Variants in TRIM4 observed in about 807,000 individuals in gnomAD.
TRIM4 encodes E3 ubiquitin-protein ligase TRIM4.
In TRIM4, 29 loss-of-function variants were observed where a neutral mutation model predicts 33.7. The observed-to-expected ratio is 0.86, with a 90% confidence interval of 0.64 to 1.17. The LOEUF (loss-of-function observed/expected upper bound fraction) is 1.17. TRIM4 is among the 50% of genes most tolerant of loss of function. The pLI is 0.00. For synonymous variants in TRIM4, 224 were observed against 233.0 expected, an observed-to-expected ratio of 0.96 and a Z score of 0.35; for missense variants, 554 against 593.7, an observed-to-expected ratio of 0.93 and a Z score of 0.69.
At chr7:99,914,003 T>C (rs961389683) in intron 1 of TRIM4, among the ~76,000 whole-genome samples, 1 of 152,230 alleles carries the variant, frequency 6.6e-6, no homozygotes, top group Admixed American at 6.5e-5. Context: ...TTGAGTTCTA[T>C]GAATTTCAGT....
chr7:99,894,471 T>G (rs995677902), intron 5 of TRIM4, among the ~76,000 whole-genome samples: 7 of 152,140 alleles, frequency 4.6e-5, no homozygotes, highest in Non-Finnish European at 1.0e-4. Context: ...AAGACCAGCC[T>G]GACCAACATG....
In TRIM4 at chr7:99,910,835, G is replaced by A. The variant is rs973565386; in HGVS notation, c.394-1175C>T. Among the ~76,000 whole-genome samples, 2 of 152,246 alleles carry A rather than the reference G, an allele frequency of 1.3e-5. 1 individual carries two copies. Among genetic ancestry groups the A allele is most frequent in the African/African-American group, 4.8e-5 (2 of 41,468 alleles). ...TTGGGCTGAGGGGCAGCACCCGATA[G>A]TAGGATGTCAGCTGCGAGTGCAGAG... On this transcript the variant is annotated intron_variant, in intron 1 of 5. Coordinates refer to ENST00000349062, the MANE Select transcript of TRIM4 (RefSeq NM_033091.3).
rs944523766 is a variant in TRIM4, at chr7:99,919,436, G to A, written c.-35C>T. 2.7e-6 allele frequency: 4 copies of A among 1,486,112 alleles called. No individual in the cohort carries two copies. Among genetic ancestry groups the A allele is most frequent in the Admixed American group, 2.4e-5 (1 of 42,528 alleles). The allele number at this position is 1,486,112 out of a possible 1,614,324, so 92.1% of individuals were successfully genotyped here. The stretch of plus-strand genomic sequence containing the variant: ...CTGCCGCGGAGACGGAGTCCGACGT[G>A]AGGCGCGGGAGAGGCCAGCAAGCTG... On this transcript the variant is annotated 5_prime_UTR_variant, in exon 1 of 6. Coordinates refer to ENST00000349062, the MANE Select transcript of TRIM4 (RefSeq NM_033091.3).
In TRIM4 at chr7:99,892,572, T is replaced by C. The variant is rs919079966; in HGVS notation, c.1016A>G (p.His339Arg). ...GTTTTTTCCCAGAACACAGGGTAAG[T>C]GCTGAAATCTCTCTACAAAAGCAGT... is the stretch of plus-strand genomic sequence containing the variant. ...QKTAFVERFQHLPCVLGKNVF... is the reference protein window; with the variant it reads ...QKTAFVERFQRLPCVLGKNVF... The change falls in exon 6 of 6, where the codon CAC becomes CGC. Residue 339 changes from histidine (H) to arginine (R), a missense_variant. Around this residue, in one of 3 missense-constraint regions of TRIM4, gnomAD observed 290 missense variants for 335.8 expected, o/e 0.86. Transcript: ENST00000349062. 3 of 1,614,232 alleles carry C rather than the reference T, an allele frequency of 1.9e-6. No individual in the cohort carries two copies. The highest frequency in any genetic ancestry group is 2.5e-6 in the Non-Finnish European group (3 of 1,180,046).
intron 3 of TRIM4, among the ~76,000 whole-genome samples, chr7:99,906,687 A>T (rs531935222): frequency 1.9e-4 from 29 of 151,284 alleles, no homozygotes; most frequent in Admixed American, 1.6e-3. Flanking sequence ...GGACCAATTT[A>T]AAAAAAAACA....
chr7:99,904,997 C>CT (rs1235474897), intron 3 of TRIM4, among the ~76,000 whole-genome samples: 1 of 151,644 alleles, frequency 6.6e-6, no homozygotes, highest in East Asian at 1.9e-4. Context: ...TGCCACTGCA[C>CT]TCCAGCCTGG....
chr7:99,899,404 T>C (rs1266346856), intron 5 of TRIM4, among the ~76,000 whole-genome samples: 1 of 152,246 alleles, frequency 6.6e-6, no homozygotes, highest in East Asian at 1.9e-4. Context: ...TGGACTGCCC[T>C]GCATGTAGGT....
At chr7:99,895,374 T>G (rs1031700888) in intron 5 of TRIM4, among the ~76,000 whole-genome samples, 11 of 152,222 alleles carry the variant, frequency 7.2e-5, no homozygotes, top group African/African-American at 2.4e-4. Context: ...TCTAAGGATA[T>G]TTTGATACTG....
In TRIM4 at chr7:99,909,595, A is replaced by T. The variant is rs1286430376; in HGVS notation, c.459T>A (p.Asp153Glu). The T allele has an allele frequency of 6.2e-7, 1 of 1,613,890 alleles. No homozygotes were observed. Among genetic ancestry groups the T allele is most frequent in the African/African-American group, 1.3e-5 (1 of 74,876 alleles). The change falls in exon 2 of 6, where the codon GAT (aspartate) becomes GAA (glutamate). Residue 153 changes from aspartate (D) to glutamate (E), a missense_variant. Transcript: ENST00000349062. The stretch of plus-strand genomic sequence containing the variant: ...ACTGTGTGGCGTTCTTCACTTCTAC[A>T]TCCTGTAAATGCATGACTTTCTTCA... ...AKMKKVMHLQ[D>E]VEVKNATQWK...
chr7:99,910,245 CAGG>C (rs1819409536), intron 1 of TRIM4, among the ~76,000 whole-genome samples: 1 of 152,142 alleles, frequency 6.6e-6, no homozygotes, highest in Non-Finnish European at 1.5e-5. Flanking sequence ...TCTGGCACCA[CAGG>C]AGATTAAAAA....
rs1818883319 is a variant in TRIM4 at position 99,891,091 on chromosome 7, CCAGA to C, written c.*1068_*1071del. The C allele has an allele frequency of 6.6e-6, 1 of 152,116 alleles. No homozygotes were observed. The highest frequency in any genetic ancestry group is 2.4e-5 in the African/African-American group (1 of 41,424). The allele number at this position is 152,116 out of a possible 1,614,324, so 9.4% of individuals were successfully genotyped here. A position where few individuals can be genotyped will look rare whatever the true frequency, so the allele number is the denominator to read the frequency against. ...CAGTAACTGCCACAATCTCCTGAGTCCAGACAATCTAGAGCAGAAGGGTAGACTG... is the reference window on the plus strand; with the variant it reads ...CAGTAACTGCCACAATCTCCTGAGTCCAATCTAGAGCAGAAGGGTAGACTG... On this transcript the variant is annotated 3_prime_UTR_variant, in exon 6 of 6. Transcript: ENST00000349062.
intron 1 of TRIM4, among the ~76,000 whole-genome samples, chr7:99,911,475 T>C (rs1356635060): frequency 1.3e-5 from 2 of 152,040 alleles, no homozygotes; most frequent in Non-Finnish European, 2.9e-5. Context: ...AAATTAAAAA[T>C]AAATTTAAAA....
intron 5 of TRIM4, among the ~76,000 whole-genome samples, chr7:99,900,191 G>A (rs771296121): frequency 3.3e-5 from 5 of 152,194 alleles, no homozygotes; most frequent in South Asian, 2.1e-4. Context: ...TAGAGCCAGC[G>A]TTCTAGTTGG....
intron 5 of TRIM4, among the ~76,000 whole-genome samples, chr7:99,895,572 A>G (rs77577977): frequency 4.6e-5 from 7 of 152,364 alleles, no homozygotes; most frequent in Non-Finnish European, 8.8e-5. Context: ...GATTGATAAT[A>G]TTATTCAAGT....
intron 1 of TRIM4, among the ~76,000 whole-genome samples, chr7:99,917,202 T>G (rs1301942689): frequency 6.6e-6 from 1 of 152,252 alleles, no homozygotes; most frequent in Non-Finnish European, 1.5e-5. Context: ...ATTAATGTTG[T>G]ACACGCTTAA....
chr7:99,913,214 A>T (rs1417875586), intron 1 of TRIM4, among the ~76,000 whole-genome samples: 1 of 152,192 alleles, frequency 6.6e-6, no homozygotes, highest in East Asian at 1.9e-4. Flanking sequence ...AGTTTTTTTC[A>T]ATCTGGCCAC....
At chr7:99,917,902 G>C in intron 1 of TRIM4, 1 of 958,084 alleles carries the variant, frequency 1.0e-6, no homozygotes, top group Non-Finnish European at 1.2e-6. Context: ...GATAGATGTG[G>C]GTAGAGAAAG....
chr7:99,918,877 CTTT>C (rs1819622230), intron 1 of TRIM4, 129 bp downstream of exon 1: 1 of 1,212,830 alleles, frequency 8.2e-7, no homozygotes, highest in Admixed American at 3.3e-5. Context: ...TGCTTAACTT[CTTT>C]GAGTTTCAGG....
chr7:99,918,138 G>A (rs1819598557), intron 1 of TRIM4, among the ~76,000 whole-genome samples: 1 of 152,188 alleles, frequency 6.6e-6, no homozygotes, highest in Non-Finnish European at 1.5e-5. Context: ...GACATTTACA[G>A]ATACAGACAG....
Sources: gnomAD v4.1 joint callset for allele counts (sites outside exome capture counted in the v4.1 genomes callset) on GRCh38, gnomAD v4.1.1 for gene constraint, gnomAD v4.1.1 regional missense constraint, MANE v1.5 for transcripts, NCBI Gene and HGNC (gene_info 2026-07-23, HGNC 2026-07-21) for gene names.